DNASE1: variants seen among roughly 807,000 people sequenced by gnomAD.
DNASE1 encodes deoxyribonuclease-1.
Under a neutral mutation model 33.9 loss-of-function variants are expected in DNASE1, and 40 were observed. That is an observed-to-expected ratio of 1.18 (90% confidence interval 0.92 to 1.54). The LOEUF is 1.54. DNASE1 is among the 40% of genes most tolerant of loss of function. The probability of loss-of-function intolerance (pLI) is 0.00; values close to 1 mark genes in which losing one functional copy is unlikely to be tolerated. For synonymous variants in DNASE1, 216 were observed against 160.0 expected (o/e 1.35, Z -2.64); for missense variants, 518 against 372.6 (o/e 1.39, Z -3.21).
chr16:3,630,683 G>A (rs1240275306), intron 1 of DNASE1, among the ~76,000 whole-genome samples: 3 of 151,668 alleles, frequency 2.0e-5, no homozygotes, highest in Non-Finnish European at 4.4e-5. Flanking sequence ...CATGGAATAT[G>A]TTTTTCCATC....
At chr16:3,651,011 CTG>C (rs1415707589), upstream of DNASE1, 1 of 152,200 alleles carries the variant, frequency 6.6e-6, no homozygotes, top group Non-Finnish European at 1.5e-5. Context: ...TGATGGTGCT[CTG>C]TGAGTTCATG....
In DNASE1 at chr16:3,657,919, G is replaced by A; in HGVS notation, c.815G>A (p.Ser272Asn). 6.2e-7 allele frequency: 1 copy of A among 1,613,182 alleles called. No individual in the cohort carries two copies. The highest frequency in any genetic ancestry group is 1.7e-4 in the Middle Eastern group (1 of 6,060). Residue 272 changes from serine to asparagine, a missense_variant, in exon 9 of 9, where the codon AGT becomes AAT. Transcript: ENST00000246949. ...GLSDQLAQAI[S>N]DHYPVEVMLK ...ACTTGCCTGCAGGCCCAAGCCATCA[G>A]TGACCACTATCCAGTGGAGGTGATG...
chr16:3,647,041 G>A (rs1207902766), intron 1 of DNASE1, among the ~76,000 whole-genome samples: 13 of 152,306 alleles, frequency 8.5e-5, no homozygotes, highest in Middle Eastern at 3.4e-3. Context: ...CAGCTGAAGT[G>A]TGAGACAAAG....
downstream of DNASE1, chr16:3,662,662 G>A: frequency 1.5e-6 from 1 of 688,496 alleles, no homozygotes; most frequent in South Asian, 1.5e-5. Context: ...GTTCACACCT[G>A]CTCTGGAGCA....
At chr16:3,625,538 G>A (rs555507568) in intron 1 of DNASE1, among the ~76,000 whole-genome samples, 15 of 152,076 alleles carry the variant, frequency 9.9e-5, no homozygotes, top group East Asian at 1.9e-4. Flanking sequence ...AAATGGGATC[G>A]CTTGAGCCCA....
At chr16:3,612,591 CG>C (rs34915806) in intron 1 of DNASE1, among the ~76,000 whole-genome samples, 593 of 42,218 alleles carry the variant, frequency 0.014, 5 homozygotes, top group Middle Eastern at 0.065. Flanking sequence ...GCGGTGGGGG[CG>C]GGGGGGGGAG....
chr16:3,644,341 C>G lies in DNASE1; in HGVS notation c.-86+1305C>G, dbSNP rs190212253. On this transcript the variant is annotated intron_variant, in intron 1 of 9. Transcript: ENST00000407479. ...ACCTTGGGAGGCCAAGGCAGGCAGA[C>G]CACTTGAGGTCAGGGGTCCAAGACC... 3.1e-3 allele frequency among the ~76,000 whole-genome samples: 467 copies of G among 151,886 alleles called. 5 individuals are homozygous for G. The highest frequency in any genetic ancestry group is 1.0e-2 in the African/African-American group (413 of 41,424).
chr16:3,655,703 G>A, intron 2 of DNASE1, 146 bp from the exon 3 acceptor site: 2 of 1,375,618 alleles, frequency 1.5e-6, no homozygotes, highest in Non-Finnish European at 2.0e-6. Context: ...TGCTGTCCCT[G>A]GCTGGCAGCA....
In DNASE1 at chr16:3,664,561, C is replaced by G. The variant is rs1035600569; in HGVS notation, c.*6608C>G. The G allele has an allele frequency of 9.9e-6, 13 of 1,308,270 alleles. No homozygotes were observed. In the Admixed American group the frequency reaches 1.3e-4, roughly 13 times the overall value. 81.0% of individuals were successfully genotyped at this position (1,308,270 alleles called of 1,614,324 possible). ...CTCCGATGCCCATGGCCTCCTGGCA[C>G]TCCAGGCTGGCCCTGACCCGAGGGA... is the stretch of plus-strand genomic sequence containing the variant. On this transcript the variant is annotated 3_prime_UTR_variant, in exon 10 of 10. Coordinates refer to the DNASE1 transcript ENST00000407479.
chr16:3,618,621 C>T (rs896357220), intron 1 of DNASE1, among the ~76,000 whole-genome samples: 3 of 152,172 alleles, frequency 2.0e-5, no homozygotes, highest in East Asian at 1.9e-4. Flanking sequence ...CCCAACTACT[C>T]GGGAGGCTGA....
At chr16:3,635,157 G>A (rs1489236106) in intron 1 of DNASE1, among the ~76,000 whole-genome samples, 1 of 151,976 alleles carries the variant, frequency 6.6e-6, no homozygotes, top group Non-Finnish European at 1.5e-5. Flanking sequence ...TTAAAAATAA[G>A]TTAAAAATAA....
chr16:3,612,701 G>T (rs2040942797), intron 1 of DNASE1, among the ~76,000 whole-genome samples: 1 of 152,004 alleles, frequency 6.6e-6, no homozygotes. Context: ...GAGCCACCAC[G>T]CCCGGCGTAA....
chr16:3,643,508 G>T (rs991718901), intron 1 of DNASE1, among the ~76,000 whole-genome samples: 36 of 152,230 alleles, frequency 2.4e-4, no homozygotes, highest in African/African-American at 7.2e-4. Context: ...TGTGGGTGGA[G>T]TTCCTGATTC....
At chr16:3,657,641 C>CTTAGT (rs2042770586) in intron 7 of DNASE1, 79 bp from the exon 8 acceptor site, 4 of 1,578,630 alleles carry the variant, frequency 2.5e-6, no homozygotes, top group Non-Finnish European at 3.4e-6. Context: ...TCCCAGGGCT[C>CTTAGT]TTAGTTTAGT....
intron 1 of DNASE1, among the ~76,000 whole-genome samples, chr16:3,627,275 CTTT>C (rs774487244): frequency 1.5e-5 from 2 of 133,820 alleles, no homozygotes; most frequent in Non-Finnish European, 1.6e-5. Context: ...ATGACATATC[CTTT>C]TTTTTTTTTT....
Position 3,656,627 on chromosome 16 carries a change from C to A in DNASE1, c.321-11C>A, listed in dbSNP as rs1278050324. 6.2e-7 allele frequency: 1 copy of A among 1,604,078 alleles called. No homozygotes were observed. The highest frequency in any genetic ancestry group is 8.5e-7 in the Non-Finnish European group (1 of 1,175,056). On this transcript the variant is annotated splice_polypyrimidine_tract_variant and intron_variant, in intron 4 of 8. Transcript: ENST00000246949. ...CCTGGGGTCACCTCCTCCTGCCCGG[C>A]CTTCCCGCAGGCCTGACCAGGTGTC...
At chr16:3,662,257 G>T (rs1224607175), downstream of DNASE1, 7 of 1,155,940 alleles carry the variant, frequency 6.1e-6, no homozygotes, top group Non-Finnish European at 7.3e-6. Context: ...GGACTCCCCT[G>T]GACCAGCGCT....
At chr16:3,618,181 A>C (rs1361745479) in intron 1 of DNASE1, among the ~76,000 whole-genome samples, 2 of 151,880 alleles carry the variant, frequency 1.3e-5, no homozygotes, top group African/African-American at 4.8e-5. Flanking sequence ...AGCATCATGA[A>C]TCGTTAGAGA....
rs529606200 is a variant in DNASE1, at chr16:3,612,228, T to C, written c.-1359+222T>C. Among the ~76,000 whole-genome samples, 28 of 151,828 alleles carry C rather than the reference T, an allele frequency of 1.8e-4. No individual in the cohort carries two copies. In the East Asian group the frequency reaches 5.4e-3, roughly 29 times the overall value. On this transcript the variant is annotated intron_variant and NMD_transcript_variant, in intron 1 of 11. Coordinates refer to the DNASE1 transcript ENST00000570769. ...TAAGGGTTTGAGCTTCAACTTGGGG[T>C]CGTCGGGAGCCATTGAAGGTTTTTT...
Sources: gnomAD v4.1 joint callset for allele counts (sites outside exome capture counted in the v4.1 genomes callset) on GRCh38, gnomAD v4.1.1 for gene constraint, MANE v1.5 for transcripts, NCBI Gene and HGNC (gene_info 2026-07-23, HGNC 2026-07-21) for gene names.